LINGO2: variants seen among roughly 807,000 people sequenced by gnomAD.
LINGO2 encodes leucine-rich repeat and immunoglobulin-like domain-containing nogo receptor-interacting protein 2.
In LINGO2, 14 loss-of-function variants were observed where a neutral mutation model predicts 30.6. The ratio of observed to expected loss-of-function variants is 0.46; its 90% CI spans 0.30 to 0.72. LINGO2 has a LOEUF of 0.72. LINGO2 is among the 30% of genes least tolerant of loss of function. The probability of loss-of-function intolerance (pLI) is 0.07; values close to 1 mark genes in which losing one functional copy is unlikely to be tolerated. For synonymous variants in LINGO2, 317 were observed against 288.5 expected (o/e 1.10, Z -1.00); for missense variants, 729 against 751.7 (o/e 0.97, Z 0.35).
At chr9:28,058,859 AACT>A (rs1299174789) in intron 4 of LINGO2, among the ~76,000 whole-genome samples, 1 of 152,172 alleles carries the variant, frequency 6.6e-6, no homozygotes, top group Non-Finnish European at 1.5e-5. Flanking sequence ...ACTTAATCTA[AACT>A]ACTGTTAAAA....
intron 4 of LINGO2, among the ~76,000 whole-genome samples, chr9:28,106,119 G>A (rs919158427): frequency 6.6e-6 from 1 of 152,046 alleles, no homozygotes; most frequent in Non-Finnish European, 1.5e-5. Flanking sequence ...TCTAATTCCT[G>A]ATGATCTGAG....
At chr9:28,382,214 T>C (rs1020768534) in intron 2 of LINGO2, among the ~76,000 whole-genome samples, 1 of 152,194 alleles carries the variant, frequency 6.6e-6, no homozygotes, top group African/African-American at 2.4e-5. Flanking sequence ...TCTTCTTTAA[T>C]ACTCTTTGTG....
chr9:28,505,001 A>C (rs1361167900), intron 1 of LINGO2, among the ~76,000 whole-genome samples: 5 of 151,898 alleles, frequency 3.3e-5, no homozygotes, highest in African/African-American at 1.2e-4. Flanking sequence ...GGTTCAAGTC[A>C]GGGAAGGATG....
the LINGO2 span, among the ~76,000 whole-genome samples, chr9:29,148,426 A>T: frequency 6.6e-6 from 1 of 152,154 alleles, no homozygotes; most frequent in Non-Finnish European, 1.5e-5. Context: ...TTCTAGTTTT[A>T]CCAAGTAAAT....
chr9:28,180,277 G>A (rs565785664), intron 4 of LINGO2, among the ~76,000 whole-genome samples: 4 of 152,224 alleles, frequency 2.6e-5, no homozygotes, highest in South Asian at 2.1e-4. Flanking sequence ...ATCTTCAAGC[G>A]ATAAGGAAGG....
chr9:28,583,042 T>C (rs1180500601), intron 1 of LINGO2, among the ~76,000 whole-genome samples: 1 of 152,084 alleles, frequency 6.6e-6, no homozygotes, highest in East Asian at 1.9e-4. Context: ...GAGGGAAAAA[T>C]GCTTTTGAAG....
intron 1 of LINGO2, among the ~76,000 whole-genome samples, chr9:28,498,252 A>G (rs1819734719): frequency 6.6e-6 from 1 of 152,176 alleles, no homozygotes; most frequent in African/African-American, 2.4e-5. Flanking sequence ...CCCTGCCCCC[A>G]GAGGTGGAGT....
chr9:28,107,285 C>T (rs139768640), intron 4 of LINGO2, among the ~76,000 whole-genome samples: 1 of 152,266 alleles, frequency 6.6e-6, no homozygotes, highest in Non-Finnish European at 1.5e-5. Flanking sequence ...ATATTCCTAG[C>T]ACCTTTTACA....
chr9:28,307,131 G>T (rs552127023), intron 3 of LINGO2, among the ~76,000 whole-genome samples: 1 of 152,082 alleles, frequency 6.6e-6, no homozygotes, highest in African/African-American at 2.4e-5. Context: ...AACAAAAAAA[G>T]AGAATTTTAG....
the LINGO2 span, among the ~76,000 whole-genome samples, chr9:28,682,806 T>C: frequency 6.6e-6 from 1 of 152,098 alleles, no homozygotes; most frequent in Admixed American, 6.5e-5. Context: ...TTATGCAGAG[T>C]TAAATAATAG....
At chr9:29,146,732 G>C in the LINGO2 span, among the ~76,000 whole-genome samples, 1 of 152,086 alleles carries the variant, frequency 6.6e-6, no homozygotes, top group Non-Finnish European at 1.5e-5. Context: ...TTTTTTGTAA[G>C]TTACCATGAC....
At chr9:28,862,213 T>C in the LINGO2 span, among the ~76,000 whole-genome samples, 1 of 152,066 alleles carries the variant, frequency 6.6e-6, no homozygotes, top group Non-Finnish European at 1.5e-5. Flanking sequence ...CAGAGCTCTG[T>C]GGATTTTGCT....
At chr9:28,482,931 A>G (rs1826034362) in intron 1 of LINGO2, among the ~76,000 whole-genome samples, 2 of 152,228 alleles carry the variant, frequency 1.3e-5, no homozygotes, top group Non-Finnish European at 2.9e-5. Context: ...GGACATACGC[A>G]TAGACACATT....
At chr9:28,869,698 G>A in the LINGO2 span, among the ~76,000 whole-genome samples, 6 of 151,888 alleles carry the variant, frequency 4.0e-5, no homozygotes, top group Non-Finnish European at 7.4e-5. Context: ...CAGATCAAGA[G>A]GTGATCAATA....
At chr9:28,181,558 A>G (rs1828911813) in intron 4 of LINGO2, among the ~76,000 whole-genome samples, 1 of 152,124 alleles carries the variant, frequency 6.6e-6, no homozygotes, top group Non-Finnish European at 1.5e-5. Context: ...AACCCTTCCA[A>G]TGATTAGGAT....
chr9:28,155,157 G>C (rs1224611523), intron 4 of LINGO2, among the ~76,000 whole-genome samples: 1 of 152,136 alleles, frequency 6.6e-6, no homozygotes, highest in African/African-American at 2.4e-5. Flanking sequence ...GGAAAACAAG[G>C]TTATCTTGAT....
At chr9:28,671,107 G>A (rs1169253093), upstream of LINGO2, among the ~76,000 whole-genome samples, 2 of 152,008 alleles carry the variant, frequency 1.3e-5, no homozygotes, top group Non-Finnish European at 2.9e-5. Flanking sequence ...AATATGTAGG[G>A]TGATAACTGT....
At chr9:28,305,637 T>C (rs950617995) in intron 3 of LINGO2, among the ~76,000 whole-genome samples, 1 of 152,096 alleles carries the variant, frequency 6.6e-6, no homozygotes, top group Admixed American at 6.6e-5. Flanking sequence ...ATGAAATACA[T>C]GGGGATGACT....
At chr9:29,017,948 C>G in the LINGO2 span, among the ~76,000 whole-genome samples, 2 of 151,716 alleles carry the variant, frequency 1.3e-5, no homozygotes, top group African/African-American at 4.8e-5. Context: ...TTGCTCTACT[C>G]TCTCTCACAA....
Sources: allele counts gnomAD v4.1 joint callset (sites outside exome capture counted in the v4.1 genomes callset), GRCh38; gene constraint gnomAD v4.1.1; transcripts MANE v1.5; gene names NCBI Gene and HGNC (gene_info 2026-07-23, HGNC 2026-07-21).